The following CLASRP variants were observed in gnomAD, a reference collection of about 807,000 sequenced individuals.
CLASRP encodes the protein CLK4 associating serine/arginine rich protein, also known as CLK4-associating serine/arginine rich protein.
Under a neutral mutation model 99.9 loss-of-function variants are expected in CLASRP, and 52 were observed. The observed-to-expected ratio is 0.52, with a 90% CI of 0.42 to 0.66. The LOEUF is 0.66. Among genes scored for constraint, CLASRP ranks in the 30% least tolerant of loss-of-function variants. The pLI is 0.00. For synonymous variants in CLASRP, 379 were observed against 373.0 expected (o/e 1.02, Z -0.18); for missense variants, 848 against 999.2 (o/e 0.85, Z 2.04).
At chr19:45,047,411 C>CA (rs35621559) in intron 2 of CLASRP, 46,628 of 84,184 alleles carry the variant, frequency 0.55, 12,125 homozygotes, top group Non-Finnish European at 0.6. Flanking sequence ...GACTCCATCT[C>CA]AAAAAAAAAA....
chr19:45,069,291 C>T, intron 18 of CLASRP, 43 bp downstream of exon 18: 1 of 1,599,170 alleles, frequency 6.3e-7, no homozygotes, highest in Non-Finnish European at 8.6e-7. Flanking sequence ...CACCTCCTGG[C>T]CTGCCTGGCC....
intron 17 of CLASRP, 25 bp from the exon 18 acceptor site, chr19:45,069,177 G>A (rs768135863): frequency 7.7e-5 from 124 of 1,613,840 alleles, no homozygotes; most frequent in East Asian, 6.7e-5. Flanking sequence ...GCCTGGCCAC[G>A]TCCTCATAGC....
chr19:45,062,451 C>T (rs1321026803), intron 11 of CLASRP, among the ~76,000 whole-genome samples: 2 of 152,336 alleles, frequency 1.3e-5, no homozygotes, highest in African/African-American at 2.4e-5. Context: ...GATCTTGGCT[C>T]ACTACAAGCT....
At chr19:45,062,433 AGT>A (rs1966961531) in intron 11 of CLASRP, among the ~76,000 whole-genome samples, 1 of 152,316 alleles carries the variant, frequency 6.6e-6, no homozygotes, top group East Asian at 1.9e-4. Flanking sequence ...GCTGGAGTGC[AGT>A]GGCACGATCT....
At chr19:45,070,391 C>A in intron 19 of CLASRP, 146 bp from the exon 20 acceptor site, 1 of 779,704 alleles carries the variant, frequency 1.3e-6, no homozygotes, top group Non-Finnish European at 2.3e-6. Context: ...GTGAGGGGCA[C>A]AGATGGCAGC....
intron 20 of CLASRP, 120 bp downstream of exon 20, chr19:45,070,681 C>T (rs1967220871): frequency 7.7e-7 from 1 of 1,304,986 alleles, no homozygotes; most frequent in Non-Finnish European, 1.1e-6. Context: ...GGGCTGGTCT[C>T]ATCCCTTGGG....
At chr19:45,065,392 A>G (rs7252642) in intron 13 of CLASRP, among the ~76,000 whole-genome samples, 60,296 of 132,200 alleles carry the variant, frequency 0.46, 12,315 homozygotes, top group African/African-American at 0.49. Context: ...CCGTCTCAAA[A>G]AAAAAAAAAA....
In CLASRP at chr19:45,069,263, C is replaced by G. The variant is rs1967177232; in HGVS notation, c.1874+15C>G. The G allele has an allele frequency of 1.9e-6, 3 of 1,612,296 alleles. No homozygotes were observed. In the South Asian group the frequency reaches 3.3e-5, roughly 18 times the overall value. On this transcript the variant is annotated intron_variant, in intron 18 of 20. Coordinates refer to ENST00000221455, the MANE Select transcript of CLASRP (RefSeq NM_007056.3). ...ATCCGCATGAAGTAAGACCTTGCCC[C>G]TCCCTGTCCCATGGCCACACCTCCT... is the stretch of plus-strand genomic sequence containing the variant.
rs1967028720 is a variant in CLASRP, at chr19:45,064,462, A to T, written c.1241A>T (p.His414Leu). 1.3e-6 allele frequency: 2 copies of T among 1,526,090 alleles called. No individual in the cohort carries two copies. The highest frequency in any genetic ancestry group is 1.8e-4 in the Middle Eastern group (1 of 5,678). The allele number at this position is 1,526,090 out of a possible 1,614,324, so 94.5% of individuals were successfully genotyped here. ...RGGGYYRSGR[H>L]ARSRSRSWSR... The stretch of plus-strand genomic sequence containing the variant: ...GGGGGCTACTACCGTTCCGGCCGCC[A>T]CGCCCGCTCCCGGTCCCGCTCCTGG... The change falls in exon 13 of 21, where the codon CAC (histidine) becomes CTC (leucine). Residue 414 changes from histidine to leucine, a missense_variant. By Grantham distance (99) the His-to-Leu change is moderately conservative. Around this residue, in one of 8 missense-constraint regions of CLASRP, gnomAD observed 489 missense variants for 434.7 expected, o/e 1.12. Coordinates refer to ENST00000221455, the MANE Select transcript of CLASRP (RefSeq NM_007056.3).
chr19:45,044,874 G>A (rs763343165), intron 2 of CLASRP, among the ~76,000 whole-genome samples: 3 of 152,144 alleles, frequency 2.0e-5, no homozygotes, highest in Admixed American at 6.6e-5. Context: ...AAATTCTAGC[G>A]ATCCCACTTA....
At position 45,060,575 on chromosome 19, in the gene CLASRP, C is replaced by T. The variant is rs1966917570; in HGVS notation, c.811C>T (p.Arg271Trp). 6.2e-7 allele frequency: 1 copy of T among 1,612,822 alleles called. No homozygotes were observed. Among genetic ancestry groups the T allele is most frequent in the Non-Finnish European group, 8.5e-7 (1 of 1,179,594 alleles). ...CCAGGGACGCCGCTCTCGACGCCAG[C>T]GGAGAGAGTTTCGGGAGAAGCGGCT... ...MYSGRRSRRQRREFREKRLRG... is the reference protein window; with the variant it reads ...MYSGRRSRRQWREFREKRLRG... The change falls in exon 10 of 21, where the codon CGG (arginine) becomes TGG (tryptophan). Residue 271 changes from arginine to tryptophan, a missense_variant. Physicochemically the swap from Arg to Trp is moderately radical, Grantham distance 101. Around this residue, in one of 8 missense-constraint regions of CLASRP, gnomAD observed 119 missense variants for 170.2 expected, o/e 0.70. Coordinates refer to ENST00000221455, the MANE Select transcript of CLASRP (RefSeq NM_007056.3). The surrounding 1 kb of genome is among the most constrained non-coding windows in gnomAD (Gnocchi z 4.6).
At chr19:45,068,595 AG>A (rs1258299745) in intron 16 of CLASRP, 115 bp downstream of exon 16, 5 of 786,996 alleles carry the variant, frequency 6.4e-6, no homozygotes, top group Non-Finnish European at 1.1e-5. Context: ...GAGGCCACGC[AG>A]GCACGGAGGT....
chr19:45,064,575 C>T lies in CLASRP; in HGVS notation c.1354C>T (p.Arg452Trp). 4 of 1,541,772 alleles carry T rather than the reference C, an allele frequency of 2.6e-6. No individual in the cohort carries two copies. Among genetic ancestry groups the T allele is most frequent in the Non-Finnish European group, 3.5e-6 (4 of 1,148,448 alleles). The change falls in exon 13 of 21, where the codon CGG (arginine) becomes TGG (tryptophan). Residue 452 changes from arginine (R) to tryptophan (W), a missense_variant. Physicochemically the swap from Arg to Trp is moderately radical, Grantham distance 101 (BLOSUM62 -3). Around this residue, in one of 8 missense-constraint regions of CLASRP, gnomAD observed 489 missense variants for 434.7 expected, o/e 1.12. Coordinates refer to ENST00000221455, the MANE Select transcript of CLASRP (RefSeq NM_007056.3). ...AGGTGGGGGCTCCCGAGACGGACAC[C>T]GGTACTCCCGCTCGCCCGCCCGGCG... Reference protein sequence around the residue: ...HSGGGSRDGHRYSRSPARRGG... With the variant: ...HSGGGSRDGHWYSRSPARRGG...
intron 13 of CLASRP, 142 bp downstream of exon 13, chr19:45,064,772 C>G (rs1411041129): frequency 2.8e-6 from 4 of 1,409,172 alleles, no homozygotes; most frequent in Non-Finnish European, 2.8e-6. Flanking sequence ...GGCCACTGCT[C>G]TTCCGCAGGA....
intron 5 of CLASRP, among the ~76,000 whole-genome samples, chr19:45,055,982 G>A (rs1972111888): frequency 6.6e-6 from 1 of 152,192 alleles, no homozygotes; most frequent in African/African-American, 2.4e-5. Context: ...CCCCAGGCTG[G>A]GTGTTGGGGG....
At chr19:45,055,550 G>A (rs1972104758) in intron 5 of CLASRP, among the ~76,000 whole-genome samples, 1 of 152,190 alleles carries the variant, frequency 6.6e-6, no homozygotes, top group Non-Finnish European at 1.5e-5. Context: ...AAAAGCTGAG[G>A]CCAGCCGGGC....
intron 2 of CLASRP, among the ~76,000 whole-genome samples, chr19:45,042,619 T>C (rs1034515088): frequency 6.8e-5 from 10 of 147,938 alleles, no homozygotes; most frequent in African/African-American, 2.5e-4. Flanking sequence ...TCCAAAATCT[T>C]TTTTTTTTTT....
At chr19:45,069,571 C>T in intron 18 of CLASRP, 2 of 530,398 alleles carry the variant, frequency 3.8e-6, no homozygotes, top group Admixed American at 3.2e-5. Flanking sequence ...ATGGGTCTTT[C>T]TCCTGTCCCA....
intron 2 of CLASRP, among the ~76,000 whole-genome samples, chr19:45,050,872 A>G (rs769177595): frequency 1.1e-4 from 17 of 151,758 alleles, no homozygotes; most frequent in Non-Finnish European, 2.5e-4. Context: ...GCCTGCCACC[A>G]TGGCTGGCTA....
Sources: gnomAD v4.1 joint callset for allele counts (sites outside exome capture counted in the v4.1 genomes callset) on GRCh38, gnomAD v4.1.1 for gene constraint, gnomAD v4.1.1 regional missense constraint, Gnocchi (gnomAD v3.1) non-coding constraint, MANE v1.5 for transcripts, NCBI Gene and HGNC (gene_info 2026-07-23, HGNC 2026-07-21) for gene names.